Variants in ATRX observed in about 807,000 individuals in gnomAD.
The protein encoded by ATRX is ATRX chromatin remodeler, also known as chromatin remodeler ATRX.
Under a neutral mutation model 172.6 loss-of-function variants are expected in ATRX, and 12 were observed. The ratio of observed to expected loss-of-function variants is 0.07; its 90% CI spans 0.04 to 0.11. The LOEUF (loss-of-function observed/expected upper bound fraction) is 0.11, where lower values mean the gene tolerates loss of function less well. ATRX is among the 10% of genes least tolerant of loss of function. The pLI, the probability that ATRX is intolerant of heterozygous loss-of-function variation, is 1.00. For synonymous variants in ATRX, 674 were observed against 594.7 expected (o/e 1.13, Z -1.94); for missense variants, 1,368 against 1,767.4 (o/e 0.77, Z 4.05).
chrX:77,686,696 C>A (rs1557144121), intron 7 of ATRX, among the ~76,000 whole-genome samples: 1 of 110,970 alleles, frequency 9.0e-6, no homozygotes, highest in Non-Finnish European at 1.9e-5. Context: ...GCCTGGGCAA[C>A]AGAGTGACAC....
At chrX:77,766,092 TC>T (rs2075907731) in intron 1 of ATRX, among the ~76,000 whole-genome samples, 1 of 112,664 alleles carries the variant, frequency 8.9e-6, no homozygotes, top group Non-Finnish European at 1.9e-5. Flanking sequence ...TCTACCTCTT[TC>T]TACACAGACA....
intron 20 of ATRX, among the ~76,000 whole-genome samples, chrX:77,619,193 C>G (rs1400021432): frequency 1.8e-5 from 2 of 110,909 alleles, no homozygotes; most frequent in African/African-American, 6.6e-5. Flanking sequence ...AAAAACCATC[C>G]CTAAATACTA....
At chrX:77,576,030 G>T (rs1286789253) in intron 27 of ATRX, among the ~76,000 whole-genome samples, 1 of 111,278 alleles carries the variant, frequency 9.0e-6, no homozygotes, top group Non-Finnish European at 1.9e-5. Context: ...GGTAATGGTA[G>T]TGGTAGTGGT....
At chrX:77,706,616 C>G (rs1225467693) in intron 2 of ATRX, among the ~76,000 whole-genome samples, 1 of 111,443 alleles carries the variant, frequency 9.0e-6, no homozygotes, top group Non-Finnish European at 1.9e-5. Flanking sequence ...CAATTAAAGA[C>G]AACCCAACTG....
intron 7 of ATRX, among the ~76,000 whole-genome samples, chrX:77,686,716 A>T (rs2071583688): frequency 9.0e-6 from 1 of 110,868 alleles, no homozygotes; most frequent in East Asian, 2.8e-4. Flanking sequence ...CTCCGCCTCA[A>T]AAATAAATAA....
In ATRX at chrX:77,708,723, T is replaced by A. The variant is rs142292827; in HGVS notation, c.133+8408A>T. On this transcript the variant is annotated intron_variant, in intron 2 of 34. Transcript: ENST00000373344. ...AAAACAAGAAACTAGATTAGTGATT[T>A]CTTAGAGCTAGGGGGTGATAGCTAA... is the stretch of plus-strand genomic sequence containing the variant. 8.0e-4 allele frequency among the ~76,000 whole-genome samples: 89 copies of A among 111,662 alleles called. 1 individual carries two copies. In the East Asian group the frequency reaches 0.015, roughly 19 times the overall value.
intron 1 of ATRX, among the ~76,000 whole-genome samples, chrX:77,767,038 C>G (rs1294583616): frequency 2.7e-5 from 3 of 111,755 alleles, no homozygotes; most frequent in Non-Finnish European, 5.7e-5. Context: ...GCCAACACAG[C>G]GAAACCCCAT....
At position 77,683,038 on chromosome X, in the gene ATRX, C is replaced by T. The variant is rs782341193; in HGVS notation, c.2218G>A (p.Glu740Lys). ...DSDEMLAILKEVSRMSHSSSS... is the reference protein window; with the variant it reads ...DSDEMLAILKKVSRMSHSSSS... ...GAACTGTGACTCATCCTGCTCACCTCTTTGAGGATTGCTAGCATTTCATCA... is the reference window on the plus strand; with the variant it reads ...GAACTGTGACTCATCCTGCTCACCTTTTTGAGGATTGCTAGCATTTCATCA... The change falls in exon 9 of 35, where the codon GAG becomes AAG. Residue 740 changes from glutamate to lysine, a missense_variant. By Grantham distance (56) the Glu-to-Lys change is moderately conservative. Coordinates refer to ENST00000373344, the MANE Select transcript of ATRX (RefSeq NM_000489.6). The T allele has an allele frequency of 2.5e-6, 3 of 1,210,760 alleles. No homozygotes were observed. The highest frequency in any genetic ancestry group is 3.4e-6 in the Non-Finnish European group (3 of 894,839).
Position 77,597,509 on chromosome X carries a change from AACAG to A in ATRX, c.5956+1898_5956+1901del, listed in dbSNP as rs2066509740. Among the ~76,000 whole-genome samples the A allele has an allele frequency of 5.4e-5, 6 of 111,985 alleles. No individual in the cohort carries two copies. The South Asian group carries it at 2.2e-3, about 41-fold the overall frequency. ...CAAAAAAAAAACTATCAACAGAGTAAACAGACAACTTACAGAATGAGAGAAAATA... is the reference window on the plus strand; with the variant it reads ...CAAAAAAAAAACTATCAACAGAGTAAACAACTTACAGAATGAGAGAAAATA... On this transcript the variant is annotated intron_variant, in intron 25 of 34. Coordinates refer to ENST00000373344, the MANE Select transcript of ATRX (RefSeq NM_000489.6).
chrX:77,766,679 C>T (rs1209664740), intron 1 of ATRX, among the ~76,000 whole-genome samples: 14 of 105,968 alleles, frequency 1.3e-4, no homozygotes, highest in Admixed American at 4.0e-4. Context: ...CGGGAAAAGG[C>T]GCTCCTCACT....
chrX:77,777,380 CAACAAAACAAAACAA>C (rs199850537), intron 1 of ATRX, among the ~76,000 whole-genome samples: 1 of 106,528 alleles, frequency 9.4e-6, no homozygotes, highest in Non-Finnish European at 1.9e-5. Context: ...GACTCCGTCT[CAACAAAACAAAACAA>C]AACAAAACAA....
At chrX:77,621,866 CA>C (rs1169195061) in intron 19 of ATRX, among the ~76,000 whole-genome samples, 152 of 107,818 alleles carry the variant, frequency 1.4e-3, no homozygotes, top group South Asian at 6.7e-3. Context: ...ACAACAACAA[CA>C]AAAAAAAACT....
intron 9 of ATRX, among the ~76,000 whole-genome samples, chrX:77,680,336 T>C (rs1253808433): frequency 3.6e-5 from 4 of 111,462 alleles, no homozygotes; most frequent in African/African-American, 1.3e-4. Flanking sequence ...ACACACACAC[T>C]GCATATCACA....
In ATRX at chrX:77,636,063, G is replaced by A. The variant is rs1557107913; in HGVS notation, c.4558-7C>T. On this transcript the variant is annotated splice_polypyrimidine_tract_variant and splice_region_variant and intron_variant, in intron 15 of 34. Transcript: ENST00000373344. The stretch of plus-strand genomic sequence containing the variant: ...CATCTTCAATTTCTATCACCTACAA[G>A]AAAAGGAGTTGTTGATAGTTAAGCT... 8.3e-7 allele frequency: 1 copy of A among 1,208,964 alleles called. No individual in the cohort carries two copies.
chrX:77,777,722 T>C (rs1348710437), intron 1 of ATRX, among the ~76,000 whole-genome samples: 3 of 111,751 alleles, frequency 2.7e-5, no homozygotes, highest in Admixed American at 1.9e-4. Context: ...ATAAGTCAAA[T>C]GTTACCCACC....
At chrX:77,781,110 G>A (rs1234738711) in intron 1 of ATRX, among the ~76,000 whole-genome samples, 1 of 111,157 alleles carries the variant, frequency 9.0e-6, no homozygotes, top group African/African-American at 3.3e-5. Flanking sequence ...TATACAAGCA[G>A]TTCTCAAACC....
At chrX:77,610,791 G>T (rs999041753) in intron 22 of ATRX, among the ~76,000 whole-genome samples, 1 of 108,479 alleles carries the variant, frequency 9.2e-6, no homozygotes, top group Non-Finnish European at 1.9e-5. Flanking sequence ...CATGGTATTA[G>T]ATTATGGTGA....
chrX:77,777,445 C>A (rs926987251), intron 1 of ATRX, among the ~76,000 whole-genome samples: 2 of 110,499 alleles, frequency 1.8e-5, no homozygotes, highest in African/African-American at 3.3e-5. Context: ...TTACAAAAAA[C>A]AGGCCACTGG....
intron 27 of ATRX, among the ~76,000 whole-genome samples, chrX:77,586,490 T>C (rs1194594927): frequency 1.8e-5 from 2 of 112,052 alleles, no homozygotes; most frequent in African/African-American, 3.2e-5. Context: ...ACAATCTATG[T>C]TACTGGTTAT....
Sources: allele counts gnomAD v4.1 joint callset (sites outside exome capture counted in the v4.1 genomes callset), GRCh38; gene constraint gnomAD v4.1.1; transcripts MANE v1.5; gene names NCBI Gene and HGNC (gene_info 2026-07-23, HGNC 2026-07-21).